The following SPAST variants were observed in gnomAD, a reference collection of about 807,000 sequenced individuals.
SPAST encodes spastin, also known as spastic paraplegia 4 (autosomal dominant; spastin).
In SPAST, 30 loss-of-function variants were observed where a neutral mutation model predicts 76.6. The observed-to-expected ratio is 0.39, with a 90% CI of 0.29 to 0.53. The LOEUF (loss-of-function observed/expected upper bound fraction) is 0.53. Ranked by LOEUF, SPAST falls within the 20% of genes least tolerant of loss-of-function variation. The pLI is 0.68. For missense variants in SPAST, 717 were observed against 770.5 expected (o/e 0.93, Z 0.82); for synonymous variants, 305 against 281.0 (o/e 1.09, Z -0.86).
rs548374822 is a variant in SPAST at position 32,156,644 on chromosome 2, T to C, written c.*2148T>C. ...TTTCAGTTAAGCTCATAAAATTTCA[T>C]TGTTTTCATTTAAAAGATTAACGTT... On this transcript the variant is annotated 3_prime_UTR_variant, in exon 17 of 17. Coordinates refer to ENST00000315285, the MANE Select transcript of SPAST (RefSeq NM_014946.4). The C allele has an allele frequency of 6.9e-5, 2 of 29,044 alleles. No individual in the cohort carries two copies. Among genetic ancestry groups the C allele is most frequent in the African/African-American group, 1.2e-4 (1 of 8,166 alleles). The allele number at this position is 29,044 out of a possible 1,614,324, so 1.8% of individuals were successfully genotyped here.
At chr2:32,134,285 A>G (rs1679463936) in intron 9 of SPAST, among the ~76,000 whole-genome samples, 1 of 152,016 alleles carries the variant, frequency 6.6e-6, no homozygotes, top group Non-Finnish European at 1.5e-5. Flanking sequence ...GGCGAATCAC[A>G]AGGTCAGGAG....
At chr2:32,064,699 C>CA (rs1676440106) in intron 1 of SPAST, among the ~76,000 whole-genome samples, 1 of 152,188 alleles carries the variant, frequency 6.6e-6, no homozygotes, top group African/African-American at 2.4e-5. Context: ...AAAAAAAGAA[C>CA]AAATGGTGAC....
chr2:32,150,511 C>T (rs1211685786), intron 16 of SPAST, among the ~76,000 whole-genome samples: 5 of 151,914 alleles, frequency 3.3e-5, no homozygotes, highest in African/African-American at 9.7e-5. Flanking sequence ...AATCATGGCT[C>T]ACTGCACCCT....
intron 7 of SPAST, among the ~76,000 whole-genome samples, chr2:32,126,059 T>C (rs954013303): frequency 2.6e-5 from 4 of 152,208 alleles, no homozygotes; most frequent in Non-Finnish European, 1.5e-5. Flanking sequence ...CCTCCCAAAG[T>C]GCTGGGATTA....
In SPAST at chr2:32,063,672, G is replaced by A. The variant is rs1573026236; in HGVS notation, c.-160G>A. On this transcript the variant is annotated 5_prime_UTR_variant, in exon 1 of 17. Coordinates refer to ENST00000315285, the MANE Select transcript of SPAST (RefSeq NM_014946.4). ...TGCTCCTGGCCGAGGAAGGAGAAAG[G>A]GGCGGGGCCGGCGGGCAGCGTGCGG... 1.1e-6 allele frequency: 1 copy of A among 920,324 alleles called. No individual in the cohort carries two copies. Among genetic ancestry groups the A allele is most frequent in the Non-Finnish European group, 1.6e-6 (1 of 630,842 alleles). The allele number at this position is 920,324 out of a possible 1,614,324, so 57.0% of individuals were successfully genotyped here. A position where few individuals can be genotyped will look rare whatever the true frequency, so the allele number is the denominator to read the frequency against.
In SPAST at chr2:32,112,370, C is replaced by T. The variant is rs10196440; in HGVS notation, c.683-2268C>T. Reference sequence around the variant, plus strand: ...GCTTTTTTTTTTTTTTTTCCTAAGACGGAGTCTCACTCTGTTGCCCAGGCT... The same window carrying T: ...GCTTTTTTTTTTTTTTTTCCTAAGATGGAGTCTCACTCTGTTGCCCAGGCT... On this transcript the variant is annotated intron_variant, in intron 4 of 16. Transcript: ENST00000315285. Among the ~76,000 whole-genome samples, 1,026 of 130,174 alleles carry T rather than the reference C, an allele frequency of 7.9e-3. 10 individuals carry two copies. The highest frequency in any genetic ancestry group is 0.028 in the African/African-American group (968 of 34,694). 85.4% of individuals were successfully genotyped at this position (130,174 alleles called of 152,430 possible).
At chr2:32,095,480 C>G (rs1331322092) in intron 3 of SPAST, among the ~76,000 whole-genome samples, 1 of 151,884 alleles carries the variant, frequency 6.6e-6, no homozygotes, top group East Asian at 1.9e-4. Flanking sequence ...ACCTGTAATC[C>G]TAGCACTTTG....
chr2:32,100,730 G>A (rs984342423), intron 4 of SPAST, among the ~76,000 whole-genome samples: 4 of 152,048 alleles, frequency 2.6e-5, no homozygotes, highest in African/African-American at 9.7e-5. Context: ...CTGTCCTTGC[G>A]ATAGTTTGCT....
chr2:32,100,831 G>T (rs575942630), intron 4 of SPAST, among the ~76,000 whole-genome samples: 6 of 152,274 alleles, frequency 3.9e-5, no homozygotes, highest in South Asian at 2.1e-4. Context: ...TGGTGTATAT[G>T]TGCCATATTT....
intron 1 of SPAST, among the ~76,000 whole-genome samples, chr2:32,074,211 A>G (rs551974652): frequency 2.6e-5 from 4 of 152,318 alleles, no homozygotes; most frequent in East Asian, 3.9e-4. Flanking sequence ...CATAAAACCT[A>G]TCTAGAAGAA....
At position 32,072,294 on chromosome 2, in the gene SPAST, C is replaced by T. The variant is rs552452569; in HGVS notation, c.415+8048C>T. Among the ~76,000 whole-genome samples the T allele has an allele frequency of 4.1e-4, 62 of 152,268 alleles. No individual in the cohort carries two copies. In the South Asian group the frequency reaches 0.011, roughly 27 times the overall value. On this transcript the variant is annotated intron_variant, in intron 1 of 16. Transcript: ENST00000315285. ...TCTTGACCTCGTGATTCACCCGCCT[C>T]GGCCTCCCAAAGTGCTGGGATTACA...
chr2:32,102,272 T>A (rs557403918), intron 4 of SPAST, among the ~76,000 whole-genome samples: 44 of 152,338 alleles, frequency 2.9e-4, no homozygotes, highest in African/African-American at 9.9e-4. Context: ...TTTGGCTGTT[T>A]GTCTGTTATT....
intron 12 of SPAST, among the ~76,000 whole-genome samples, chr2:32,140,272 T>C (rs1217091044): frequency 6.6e-6 from 1 of 152,244 alleles, no homozygotes; most frequent in East Asian, 1.9e-4. Flanking sequence ...TTCATTACTT[T>C]CCTGACATCT....
At chr2:32,066,946 A>G (rs918070982) in intron 1 of SPAST, among the ~76,000 whole-genome samples, 3 of 130,788 alleles carry the variant, frequency 2.3e-5, no homozygotes, top group Non-Finnish European at 4.6e-5. Context: ...TGCACTCCGA[A>G]CTGGGTGACA....
rs1031210683 is a variant in SPAST, at chr2:32,115,552, C to A, written c.871-150C>A. The A allele has an allele frequency of 1.4e-5, 8 of 577,202 alleles. No individual in the cohort carries two copies. The Admixed American group carries it at 1.6e-4, about 12-fold the overall frequency. 35.8% of individuals were successfully genotyped at this position (577,202 alleles called of 1,614,324 possible). On this transcript the variant is annotated intron_variant, in intron 5 of 16. Coordinates refer to ENST00000315285, the MANE Select transcript of SPAST (RefSeq NM_014946.4). Reference sequence around the variant, plus strand: ...TAGTTCTCTAGTGAATACAGTTTTACCTTCAGGTAAATAAATATACAATTT... The same window carrying A: ...TAGTTCTCTAGTGAATACAGTTTTAACTTCAGGTAAATAAATATACAATTT...
intron 16 of SPAST, among the ~76,000 whole-genome samples, chr2:32,150,411 CTT>C (rs1680043741): frequency 6.6e-6 from 1 of 150,540 alleles, no homozygotes; most frequent in African/African-American, 2.4e-5. Context: ...AGTTTTCTAA[CTT>C]ATTTAATTTA....
chr2:32,105,560 T>C (rs1678288477), intron 4 of SPAST, among the ~76,000 whole-genome samples: 1 of 152,200 alleles, frequency 6.6e-6, no homozygotes, highest in African/African-American at 2.4e-5. Context: ...TTTTCAGCTT[T>C]TCTGCTCTGG....
chr2:32,076,047 C>T (rs563679898), intron 1 of SPAST, among the ~76,000 whole-genome samples: 6 of 151,404 alleles, frequency 4.0e-5, no homozygotes, highest in African/African-American at 9.7e-5. Flanking sequence ...ATTACAGGTA[C>T]GCGCCACCAC....
chr2:32,104,179 T>C (rs575876429), intron 4 of SPAST, among the ~76,000 whole-genome samples: 3 of 152,336 alleles, frequency 2.0e-5, no homozygotes, highest in East Asian at 3.9e-4. Context: ...GCTCTTCTTG[T>C]TGAATTGATC....
Sources: allele counts gnomAD v4.1 joint callset (sites outside exome capture counted in the v4.1 genomes callset), GRCh38; gene constraint gnomAD v4.1.1; transcripts MANE v1.5; gene names NCBI Gene and HGNC (gene_info 2026-07-23, HGNC 2026-07-21).